The following LRRC42 variants were observed in gnomAD, a reference collection of about 807,000 sequenced individuals.
LRRC42 encodes leucine-rich repeat-containing protein 42.
In LRRC42, 43 loss-of-function variants were observed where a neutral mutation model predicts 44.3. The observed-to-expected ratio is 0.97, with a 90% CI of 0.76 to 1.25. The LOEUF (loss-of-function observed/expected upper bound fraction) is 1.25, where lower values mean the gene tolerates loss of function less well. Ranked by LOEUF, LRRC42 falls within the 50% of genes most tolerant of loss-of-function variation. The probability of loss-of-function intolerance (pLI) is 0.00; values close to 1 mark genes in which losing one functional copy is unlikely to be tolerated. For synonymous variants in LRRC42, 207 were observed against 195.2 expected, an observed-to-expected ratio of 1.06 and a Z score of -0.50; for missense variants, 540 against 509.1, an observed-to-expected ratio of 1.06 and a Z score of -0.58.
intron 4 of LRRC42, 103 bp downstream of exon 4, chr1:53,958,383 G>T: frequency 6.9e-7 from 1 of 1,446,932 alleles, no homozygotes. Flanking sequence ...CCATTCTTAT[G>T]TTGATTTGCT....
At chr1:53,946,801 C>T (rs1039119589) in intron 1 of LRRC42, among the ~76,000 whole-genome samples, 1 of 150,980 alleles carries the variant, frequency 6.6e-6, no homozygotes, top group African/African-American at 2.4e-5. Flanking sequence ...GCAGGATTAG[C>T]CTGGGTGGAC....
At chr1:53,955,010 G>A (rs1414858445) in intron 3 of LRRC42, among the ~76,000 whole-genome samples, 1 of 152,136 alleles carries the variant, frequency 6.6e-6, no homozygotes, top group Non-Finnish European at 1.5e-5. Flanking sequence ...AAAACTAAAT[G>A]TTCAACAGTA....
chr1:53,967,878 C>G lies in LRRC42; in HGVS notation c.1226C>G (p.Pro409Arg), dbSNP rs372791093. 6.2e-7 allele frequency: 1 copy of G among 1,614,088 alleles called. No individual in the cohort carries two copies. Among genetic ancestry groups the G allele is most frequent in the African/African-American group, 1.3e-5 (1 of 74,936 alleles). ...ACAGAACAGAATAACTCTTCACAAC[C>G]TTCAAAGCAGAAATATGTATGTCTT... ...SETEQNNSSQ[P>R]SKQKYVCLAV... Residue 409 changes from proline to arginine, a missense_variant, in exon 9 of 9, where the codon CCT (proline) becomes CGT (arginine). Physicochemically the swap from Pro to Arg is moderately radical, Grantham distance 103. Transcript: ENST00000371370.
At chr1:53,966,407 T>G (rs1184947413) in intron 8 of LRRC42, 27 bp downstream of exon 8, 1 of 1,564,110 alleles carries the variant, frequency 6.4e-7, no homozygotes, top group Non-Finnish European at 8.8e-7. Context: ...CCTTTGAAGT[T>G]TTTTGCCCTT....
At position 53,952,321 on chromosome 1, in the gene LRRC42, A is replaced by T. The variant is rs747386385; in HGVS notation, c.322A>T (p.Ile108Phe). The T allele has an allele frequency of 6.2e-7, 1 of 1,614,190 alleles. No individual in the cohort carries two copies. Among genetic ancestry groups the T allele is most frequent in the East Asian group, 2.2e-5 (1 of 44,886 alleles). Reference sequence around the variant, plus strand: ...CAATGTGGATCACATTGATTCCCTTATTGGCTTTCCTGAGCAGATTGCTGA... The same window carrying T: ...CAATGTGGATCACATTGATTCCCTTTTTGGCTTTCCTGAGCAGATTGCTGA... ...SDNVDHIDSL[I>F]GFPEQIAEKL... is the part of the protein sequence containing the mutation. Residue 108 changes from isoleucine (I) to phenylalanine (F), a missense_variant, in exon 3 of 9, where the codon ATT (isoleucine) becomes TTT (phenylalanine). By Grantham distance (21) the Ile-to-Phe change is conservative. Coordinates refer to ENST00000371370, the MANE Select transcript of LRRC42 (RefSeq NM_001256409.2).
chr1:53,965,040 C>G (rs1179631863), intron 7 of LRRC42, among the ~76,000 whole-genome samples: 3 of 137,870 alleles, frequency 2.2e-5, no homozygotes, highest in Non-Finnish European at 4.6e-5. Context: ...GAGTCTCGCT[C>G]TGTCGCCCAG....
chr1:53,958,065 A>G, intron 3 of LRRC42, 84 bp from the exon 4 acceptor site: 9 of 1,558,618 alleles, frequency 5.8e-6, no homozygotes, highest in Non-Finnish European at 7.9e-6. Context: ...GGATGGTAGG[A>G]TATTGACTAT....
chr1:53,962,322 C>T lies in LRRC42; in HGVS notation c.840C>T (p.Leu280=), dbSNP rs35818146. 2,353 of 1,614,036 alleles carry T rather than the reference C, an allele frequency of 1.5e-3. 24 individuals carry two copies. The African/African-American group carries it at 0.027, about 18-fold the overall frequency. ...LKDIKTVKHK[L]QTHIGLVHSK... ...ACATCAAAACCGTCAAGCACAAGCT[C>T]CAGACCCACATAGGCCTTGTTCACT... The change falls in exon 7 of 9, where the codon CTC becomes CTT. Residue 280 remains leucine (L), a synonymous_variant. Coordinates refer to ENST00000371370, the MANE Select transcript of LRRC42 (RefSeq NM_001256409.2).
intron 5 of LRRC42, among the ~76,000 whole-genome samples, chr1:53,961,343 G>A (rs1173164480): frequency 1.3e-5 from 2 of 151,980 alleles, no homozygotes; most frequent in African/African-American, 4.8e-5. Context: ...TCCGGGAGGC[G>A]GAGCTTGCAA....
intron 1 of LRRC42, among the ~76,000 whole-genome samples, chr1:53,947,431 G>A (rs753848248): frequency 6.6e-6 from 1 of 152,128 alleles, no homozygotes; most frequent in African/African-American, 2.4e-5. Flanking sequence ...AAAGTAGTGA[G>A]GAAAGTTGAA....
At chr1:53,961,410 C>CAA (rs35356994) in intron 5 of LRRC42, among the ~76,000 whole-genome samples, 3 of 137,936 alleles carry the variant, frequency 2.2e-5, no homozygotes, top group African/African-American at 7.9e-5. Context: ...GACTCTGTCT[C>CAA]AAAAAAAAAA....
chr1:53,949,473 T>C (rs1322704266), intron 2 of LRRC42, among the ~76,000 whole-genome samples: 3 of 152,218 alleles, frequency 2.0e-5, no homozygotes, highest in South Asian at 2.1e-4. Flanking sequence ...TTTAGGGCCA[T>C]ACCTAGCGTC....
chr1:53,952,342 G>A lies in LRRC42; in HGVS notation c.343G>A (p.Ala115Thr). The A allele has an allele frequency of 6.2e-7, 1 of 1,614,174 alleles. No homozygotes were observed. ...CCTTATTGGCTTTCCTGAGCAGATT[G>A]CTGAAAAGCTGTTCTCTGCTGCTGA... ...DSLIGFPEQI[A>T]EKLFSAAEAR... The change falls in exon 3 of 9, where the codon GCT (alanine) becomes ACT (threonine). Residue 115 changes from alanine (A) to threonine (T), a missense_variant. Transcript: ENST00000371370.
Position 53,952,157 on chromosome 1 carries a change from T to C in LRRC42, c.158T>C (p.Val53Ala), listed in dbSNP as rs767930240. The C allele has an allele frequency of 6.2e-7, 1 of 1,614,156 alleles. No homozygotes were observed. Among genetic ancestry groups the C allele is most frequent in the South Asian group, 1.1e-5 (1 of 91,076 alleles). ...AGACTGTTCCCCAAAGGCTTTTCTG[T>C]GGAGCTTTGCATGAACAGGGAAGAC... ...PFRLFPKGFS[V>A]ELCMNREDDT... The change falls in exon 3 of 9, where the codon GTG becomes GCG. Residue 53 changes from valine (V) to alanine (A), a missense_variant. Val to Ala is a moderately conservative substitution (Grantham distance 64). Coordinates refer to ENST00000371370, the MANE Select transcript of LRRC42 (RefSeq NM_001256409.2).
rs752468762 is a variant in LRRC42 at position 53,958,240 on chromosome 1, C to G, written c.565C>G (p.His189Asp). The stretch of plus-strand genomic sequence containing the variant: ...TTCCTGTTGCAAGCTTGGAGATGAG[C>G]ATGAACTTCTAGAACATCTCACCAA... ...DLSCCKLGDE[H>D]ELLEHLTNEA... Residue 189 changes from histidine (H) to aspartate (D), a missense_variant, in exon 4 of 9, where the codon CAT becomes GAT. Transcript: ENST00000371370. 3 of 1,613,842 alleles carry G rather than the reference C, an allele frequency of 1.9e-6. No individual in the cohort carries two copies. Among genetic ancestry groups the G allele is most frequent in the East Asian group, 2.2e-5 (1 of 44,878 alleles).
intron 4 of LRRC42, 108 bp downstream of exon 4, chr1:53,958,388 T>C: frequency 7.1e-7 from 1 of 1,411,246 alleles, no homozygotes; most frequent in Non-Finnish European, 9.7e-7. Flanking sequence ...CTTATGTTGA[T>C]TTGCTTTTTT....
Position 53,962,034 on chromosome 1 carries a change from G to A in LRRC42, c.725G>A (p.Cys242Tyr). The A allele has an allele frequency of 6.2e-7, 1 of 1,608,608 alleles. No individual in the cohort carries two copies. Among genetic ancestry groups the A allele is most frequent in the Admixed American group, 1.7e-5 (1 of 59,484 alleles). The change falls in exon 6 of 9, where the codon TGT becomes TAT. Residue 242 changes from cysteine to tyrosine, a missense_variant and splice_region_variant. Cys to Tyr is a radical substitution (Grantham distance 194). Coordinates refer to ENST00000371370, the MANE Select transcript of LRRC42 (RefSeq NM_001256409.2). Reference sequence around the variant, plus strand: ...ATGCTACGTTGTTTTTGACATCTAGGTAACCCTGAGATCACAGATGCAGGC... The same window carrying A: ...ATGCTACGTTGTTTTTGACATCTAGATAACCCTGAGATCACAGATGCAGGC... Reference protein sequence around the residue: ...LENLTLLDLSCNPEITDAGIG... With the variant: ...LENLTLLDLSYNPEITDAGIG...
At chr1:53,961,798 C>A (rs1263993377) in intron 5 of LRRC42, among the ~76,000 whole-genome samples, 1 of 152,172 alleles carries the variant, frequency 6.6e-6, no homozygotes, top group Admixed American at 6.5e-5. Flanking sequence ...TTTCTGCTCA[C>A]CCCCAACTCC....
chr1:53,963,218 G>A (rs1490366866), intron 7 of LRRC42, among the ~76,000 whole-genome samples: 1 of 152,148 alleles, frequency 6.6e-6, no homozygotes, highest in African/African-American at 2.4e-5. Flanking sequence ...AGGTAAGCAG[G>A]GAGACTGCTG....
Sources: allele counts gnomAD v4.1 joint callset (sites outside exome capture counted in the v4.1 genomes callset), GRCh38; gene constraint gnomAD v4.1.1; transcripts MANE v1.5; gene names NCBI Gene and HGNC (gene_info 2026-07-23, HGNC 2026-07-21).